Variants in CRB1 observed in about 807,000 individuals in gnomAD.
The protein encoded by CRB1 is protein crumbs homolog 1.
Under a neutral mutation model 120.0 loss-of-function variants are expected in CRB1, and 83 were observed. The observed-to-expected ratio is 0.69, with a 90% CI of 0.58 to 0.83. The LOEUF (loss-of-function observed/expected upper bound fraction) is 0.83, where lower values mean the gene tolerates loss of function less well. CRB1 is among the 40% of genes least tolerant of loss of function. The pLI, the probability that CRB1 is intolerant of heterozygous loss-of-function variation, is 0.00. For missense variants in CRB1, 1,699 were observed against 1,687.6 expected, an observed-to-expected ratio of 1.01 and a Z score of -0.12; for synonymous variants, 625 against 612.5, an observed-to-expected ratio of 1.02 and a Z score of -0.30.
At chr1:197,359,702 T>C (rs1019254572) in intron 5 of CRB1, among the ~76,000 whole-genome samples, 1 of 152,222 alleles carries the variant, frequency 6.6e-6, no homozygotes, top group African/African-American at 2.4e-5. Context: ...TGTACCATTT[T>C]GCATTCCCAC....
At chr1:197,220,153 A>G in the CRB1 span, among the ~76,000 whole-genome samples, 1 of 152,196 alleles carries the variant, frequency 6.6e-6, no homozygotes, top group African/African-American at 2.4e-5. Context: ...GGAGAGGCTG[A>G]AAGAAAAAAA....
chr1:197,334,620 G>C (rs1292702417), intron 2 of CRB1, among the ~76,000 whole-genome samples: 3 of 152,048 alleles, frequency 2.0e-5, no homozygotes. Context: ...CTGGAACCTT[G>C]GTCTTGAACT....
At chr1:197,469,457 A>G (rs1666888139) in intron 11 of CRB1, among the ~76,000 whole-genome samples, 1 of 152,096 alleles carries the variant, frequency 6.6e-6, no homozygotes, top group African/African-American at 2.4e-5. Flanking sequence ...AGAAATTAGA[A>G]CAGAATTGTA....
At chr1:197,327,934 C>T (rs941355788) in intron 1 of CRB1, among the ~76,000 whole-genome samples, 1 of 152,090 alleles carries the variant, frequency 6.6e-6, no homozygotes, top group Non-Finnish European at 1.5e-5. Context: ...AGAGGGAAAA[C>T]AAAAAGTCTG....
chr1:197,446,093 G>A (rs185458363), intron 11 of CRB1, among the ~76,000 whole-genome samples: 1 of 151,974 alleles, frequency 6.6e-6, no homozygotes, highest in East Asian at 1.9e-4. Context: ...AGGAGGCCGA[G>A]GAAGGAGAAT....
At chr1:197,454,583 A>G (rs1308344160) in intron 11 of CRB1, among the ~76,000 whole-genome samples, 2 of 152,182 alleles carry the variant, frequency 1.3e-5, no homozygotes, top group Non-Finnish European at 2.9e-5. Context: ...CAGGCAACAT[A>G]CAGAGTGGAG....
At chr1:197,406,230 A>G (rs1571489756) in intron 5 of CRB1, among the ~76,000 whole-genome samples, 1 of 152,336 alleles carries the variant, frequency 6.6e-6, no homozygotes, top group South Asian at 2.1e-4. Context: ...GTTCTGTACT[A>G]AGAAAAATTC....
intron 1 of CRB1, among the ~76,000 whole-genome samples, chr1:197,283,140 A>T (rs1362418563): frequency 6.6e-6 from 1 of 151,946 alleles, no homozygotes; most frequent in Non-Finnish European, 1.5e-5. Flanking sequence ...ACACATCAGG[A>T]TGTCAAATCT....
intron 5 of CRB1, chr1:197,364,206 A>C (rs771003873): frequency 7.2e-6 from 3 of 416,278 alleles, no homozygotes; most frequent in Non-Finnish European, 1.3e-5. Context: ...GTTCTGCAAT[A>C]AACTCAGTAA....
At chr1:197,386,672 C>T (rs1001798516) in intron 5 of CRB1, among the ~76,000 whole-genome samples, 3 of 152,132 alleles carry the variant, frequency 2.0e-5, no homozygotes, top group South Asian at 2.1e-4. Context: ...ATAGCCATCA[C>T]GTGCTCCTCT....
At position 197,357,005 on chromosome 1, in the gene CRB1, G is replaced by A; in HGVS notation, c.1163G>A (p.Gly388Glu). ...ASGYVCICQP[G>E]FTGIHCEEDV... ...GGTTATGTCTGTATCTGTCAGCCTG[G>A]ATTCACAGGTGAGGCCAAGGAGATG... The change falls in exon 5 of 12, where the codon GGA becomes GAA. Residue 388 changes from glycine (G) to glutamate (E), a missense_variant. Gly to Glu is a moderately conservative substitution (Grantham distance 98, BLOSUM62 -2). Transcript: ENST00000367400. 6.2e-7 allele frequency: 1 copy of A among 1,614,166 alleles called. No homozygotes were observed. Among genetic ancestry groups the A allele is most frequent in the South Asian group, 1.1e-5 (1 of 91,084 alleles).
upstream of CRB1, among the ~76,000 whole-genome samples, chr1:197,264,668 C>G (rs1292618465): frequency 6.8e-6 from 1 of 147,386 alleles, no homozygotes; most frequent in Non-Finnish European, 1.5e-5. Context: ...GTCGCCCAGG[C>G]TGGAGTGCAG....
chr1:197,234,281 T>A, the CRB1 span, among the ~76,000 whole-genome samples: 14 of 152,202 alleles, frequency 9.2e-5, no homozygotes, highest in African/African-American at 2.7e-4. Context: ...CTCTGGAGAC[T>A]AGTTTATAAA....
intron 11 of CRB1, among the ~76,000 whole-genome samples, chr1:197,463,550 T>C (rs1666624137): frequency 6.6e-6 from 1 of 152,198 alleles, no homozygotes; most frequent in Admixed American, 6.6e-5. Context: ...GTTACATTTA[T>C]ATAGTGCTCT....
At chr1:197,265,180 G>C (rs1467363711), upstream of CRB1, among the ~76,000 whole-genome samples, 1 of 152,134 alleles carries the variant, frequency 6.6e-6, no homozygotes, top group East Asian at 1.9e-4. Flanking sequence ...TTTGTGAACT[G>C]TGAATTGTAG....
chr1:197,266,771 A>G (rs972095877), upstream of CRB1, among the ~76,000 whole-genome samples: 1 of 152,080 alleles, frequency 6.6e-6, no homozygotes, highest in Non-Finnish European at 1.5e-5. Flanking sequence ...TTTGATTGTG[A>G]CACTCATAAT....
intron 1 of CRB1, among the ~76,000 whole-genome samples, chr1:197,291,457 C>T (rs1656177167): frequency 6.6e-6 from 1 of 151,694 alleles, no homozygotes; most frequent in Non-Finnish European, 1.5e-5. Context: ...TTTGTGATTA[C>T]TGCGAAAATC....
chr1:197,429,754 A>G (rs1664787217), intron 8 of CRB1, 140 bp downstream of exon 8: 3 of 878,640 alleles, frequency 3.4e-6, no homozygotes, highest in Middle Eastern at 3.5e-4. Context: ...CGAGTAGGCT[A>G]ATACTGACTG....
chr1:197,289,017 A>T (rs1458226628), intron 1 of CRB1, among the ~76,000 whole-genome samples: 2 of 151,480 alleles, frequency 1.3e-5, no homozygotes, highest in Non-Finnish European at 2.9e-5. Flanking sequence ...GCATGTGGAG[A>T]GTGATCCATG....
Sources: allele counts gnomAD v4.1 joint callset (sites outside exome capture counted in the v4.1 genomes callset), GRCh38; gene constraint gnomAD v4.1.1; transcripts MANE v1.5; gene names NCBI Gene and HGNC (gene_info 2026-07-23, HGNC 2026-07-21).